ZBBX: variants seen among roughly 807,000 people sequenced by gnomAD.
ZBBX encodes the protein zinc finger B-box domain-containing protein 1.
A neutral mutation model predicts 108.5 loss-of-function variants in ZBBX; 101 were observed. That is an observed-to-expected ratio of 0.93 (90% CI 0.79 to 1.10). The LOEUF is 1.10. ZBBX is among the 50% of genes least tolerant of loss of function. The pLI, the probability that ZBBX is intolerant of heterozygous loss-of-function variation, is 0.00. For synonymous variants in ZBBX, 356 were observed against 323.4 expected, an observed-to-expected ratio of 1.10 and a Z score of -1.08; for missense variants, 1,009 against 941.4, an observed-to-expected ratio of 1.07 and a Z score of -0.94.
chr3:167,355,940 C>A, intron 8 of ZBBX, among the ~76,000 whole-genome samples: 1 of 152,062 alleles, frequency 6.6e-6, no homozygotes, highest in East Asian at 1.9e-4. Context: ...CCAGCCAAGG[C>A]ACCTGCTGCT....
At chr3:167,327,634 G>A (rs541150724) in intron 11 of ZBBX, among the ~76,000 whole-genome samples, 2 of 151,860 alleles carry the variant, frequency 1.3e-5, no homozygotes, top group East Asian at 1.9e-4. Flanking sequence ...AAAACCATAC[G>A]GGCTGGGCAC....
At chr3:167,384,429 C>T (rs1217085815), upstream of ZBBX, among the ~76,000 whole-genome samples, 3 of 151,976 alleles carry the variant, frequency 2.0e-5, no homozygotes, top group Admixed American at 6.6e-5. Context: ...GATAACCAGC[C>T]GTGGAAGAGC....
At chr3:167,251,989 G>A (rs895074896) in intron 20 of ZBBX, 2 of 417,608 alleles carry the variant, frequency 4.8e-6, no homozygotes, top group Non-Finnish European at 8.5e-6. Flanking sequence ...TTCTAGAATG[G>A]CACTCTGATA....
At chr3:167,283,796 C>T (rs1021449513) in intron 19 of ZBBX, among the ~76,000 whole-genome samples, 1 of 152,138 alleles carries the variant, frequency 6.6e-6, no homozygotes, top group Admixed American at 6.6e-5. Flanking sequence ...GCGCGTGCCA[C>T]CACACCCAGC....
At chr3:167,293,230 T>C (rs546628196) in intron 18 of ZBBX, among the ~76,000 whole-genome samples, 4 of 152,216 alleles carry the variant, frequency 2.6e-5, no homozygotes, top group Admixed American at 2.0e-4. Flanking sequence ...TACCAAAACC[T>C]GGCAGAGACA....
intron 9 of ZBBX, among the ~76,000 whole-genome samples, chr3:167,343,920 A>C (rs923611868): frequency 1.3e-5 from 2 of 152,020 alleles, no homozygotes; most frequent in Non-Finnish European, 2.9e-5. Flanking sequence ...TTGTACACAA[A>C]TGTTCATGGC....
At chr3:167,261,775 C>CAAA in intron 20 of ZBBX, among the ~76,000 whole-genome samples, 1 of 96,274 alleles carries the variant, frequency 1.0e-5, no homozygotes, top group Non-Finnish European at 2.0e-5. Context: ...CTCCCAACTG[C>CAAA]AAAAAAAAAA....
At chr3:167,198,353 T>C in the ZBBX span, among the ~76,000 whole-genome samples, 1 of 152,140 alleles carries the variant, frequency 6.6e-6, no homozygotes, top group African/African-American at 2.4e-5. Context: ...CTTGACTGTT[T>C]TATTGTCACA....
downstream of ZBBX, among the ~76,000 whole-genome samples, chr3:167,239,327 AC>A: frequency 6.6e-6 from 1 of 152,226 alleles, no homozygotes; most frequent in South Asian, 2.1e-4. Context: ...TCTCACAGAA[AC>A]ATCTAGAATA....
chr3:167,404,897 T>C (rs1009239482), intron 1 of ZBBX, among the ~76,000 whole-genome samples: 2 of 152,142 alleles, frequency 1.3e-5, no homozygotes, highest in African/African-American at 2.4e-5. Context: ...ATGATGGCCT[T>C]AATTAATGCA....
rs569419525 is a variant in ZBBX, at chr3:167,261,216, C to T, written c.2255-18573G>A. Among the ~76,000 whole-genome samples, 12 of 152,276 alleles carry T rather than the reference C, an allele frequency of 7.9e-5. No homozygotes were observed. The East Asian group carries it at 1.2e-3, about 15-fold the overall frequency. Reference sequence around the variant, plus strand: ...GTCTCTCAGCCATGGATACCAGCACCTGTTCCAGTGGAGGTGGCGGAGGGG... The same window carrying T: ...GTCTCTCAGCCATGGATACCAGCACTTGTTCCAGTGGAGGTGGCGGAGGGG... On this transcript the variant is annotated intron_variant, in intron 20 of 21. Coordinates refer to ENST00000675490, the MANE Select transcript of ZBBX (RefSeq NM_001199201.2).
chr3:167,271,761 C>T (rs1195397324), intron 20 of ZBBX, among the ~76,000 whole-genome samples: 1 of 152,186 alleles, frequency 6.6e-6, no homozygotes, highest in Non-Finnish European at 1.5e-5. Flanking sequence ...AAGACCATTC[C>T]AAAGTATTCA....
chr3:167,216,900 G>T, the ZBBX span, among the ~76,000 whole-genome samples: 1 of 152,144 alleles, frequency 6.6e-6, no homozygotes, highest in African/African-American at 2.4e-5. Context: ...AAATGGTGCT[G>T]GGATAACTGG....
intron 6 of ZBBX, 47 bp downstream of exon 6, chr3:167,365,839 T>C (rs1388050900): frequency 7.1e-7 from 1 of 1,410,232 alleles, no homozygotes; most frequent in Admixed American, 1.8e-5. Context: ...AAAAAGAATA[T>C]CTTCTTGCTT....
At chr3:167,257,348 C>T (rs566539391) in intron 20 of ZBBX, among the ~76,000 whole-genome samples, 1 of 152,208 alleles carries the variant, frequency 6.6e-6, no homozygotes, top group Admixed American at 6.5e-5. Context: ...CATCATTTAT[C>T]CACAAACAAG....
intron 6 of ZBBX, among the ~76,000 whole-genome samples, chr3:167,361,071 T>C (rs927576115): frequency 2.0e-5 from 3 of 152,114 alleles, no homozygotes; most frequent in African/African-American, 4.8e-5. Flanking sequence ...TTCTGCTCTT[T>C]CTGAGACACA....
At chr3:167,178,935 C>A in the ZBBX span, among the ~76,000 whole-genome samples, 1 of 152,164 alleles carries the variant, frequency 6.6e-6, no homozygotes, top group East Asian at 1.9e-4. Flanking sequence ...ATTCTTTCCA[C>A]TATGGCTTGT....
chr3:167,381,885 G>C (rs1268064176), upstream of ZBBX, among the ~76,000 whole-genome samples: 1 of 152,152 alleles, frequency 6.6e-6, no homozygotes, highest in African/African-American at 2.4e-5. Context: ...TAAAGAAATA[G>C]AAACTAATTG....
At chr3:167,189,564 A>G in the ZBBX span, among the ~76,000 whole-genome samples, 139 of 152,354 alleles carry the variant, frequency 9.1e-4, no homozygotes, top group African/African-American at 3.3e-3. Context: ...AGTAATAACT[A>G]TCAATAGTTA....
Sources: gnomAD v4.1 joint callset for allele counts (sites outside exome capture counted in the v4.1 genomes callset) on GRCh38, gnomAD v4.1.1 for gene constraint, MANE v1.5 for transcripts, NCBI Gene and HGNC (gene_info 2026-07-23, HGNC 2026-07-21) for gene names.